FAR2: variants seen among roughly 807,000 people sequenced by gnomAD.
The protein encoded by FAR2 is epididymis secretory protein Li 81.
Under a neutral mutation model 56.0 loss-of-function variants are expected in FAR2, and 19 were observed. The observed-to-expected ratio is 0.34, with a 90% CI of 0.24 to 0.50. The LOEUF is 0.50. FAR2 is among the 20% of genes least tolerant of loss of function. The probability of loss-of-function intolerance (pLI) is 0.98; values close to 1 mark genes in which losing one functional copy is unlikely to be tolerated. For missense variants in FAR2, 508 were observed against 642.2 expected (o/e 0.79, Z 2.26); for synonymous variants, 219 against 218.8 (o/e 1.00, Z -0.01).
chr12:29,199,613 AAAG>A lies in FAR2; in HGVS notation c.-39+50209_-39+50211del, dbSNP rs1214800746. On this transcript the variant is annotated intron_variant, in intron 1 of 11. Transcript: ENST00000536681. Reference sequence around the variant, plus strand: ...AGACCCCGTCTCAAAAAAAAAAAAAAAAGAAAGAAAAGAAACAAACAAACAAAA... The same window carrying A: ...AGACCCCGTCTCAAAAAAAAAAAAAAAAAGAAAAGAAACAAACAAACAAAA... Among the ~76,000 whole-genome samples, 104 of 25,266 alleles carry A rather than the reference AAAG, an allele frequency of 4.1e-3. No homozygotes were observed. The South Asian group carries it at 0.076, about 18-fold the overall frequency. 16.6% of individuals were successfully genotyped at this position (25,266 alleles called of 152,430 possible).
At chr12:29,293,543 G>A (rs1949008145) in intron 3 of FAR2, 68 bp downstream of exon 3, 3 of 1,161,010 alleles carry the variant, frequency 2.6e-6, no homozygotes, top group East Asian at 3.1e-5. Flanking sequence ...CATAGTTTCT[G>A]TAAAAAAAAA....
chr12:29,318,985 CTTTTTCT>C (rs936734712), intron 9 of FAR2, among the ~76,000 whole-genome samples: 3 of 148,990 alleles, frequency 2.0e-5, no homozygotes, highest in South Asian at 2.2e-4. Flanking sequence ...TTTTTTTTTT[CTTTTTCT>C]TTTTTCTTTT....
rs977792305 is a variant in FAR2 at position 29,167,226 on chromosome 12, G to A, written c.-39+17819G>A. Among the ~76,000 whole-genome samples, 4 of 152,098 alleles carry A rather than the reference G, an allele frequency of 2.6e-5. No individual in the cohort carries two copies. In the South Asian group the frequency reaches 8.3e-4, roughly 32 times the overall value. On this transcript the variant is annotated intron_variant, in intron 1 of 11. Transcript: ENST00000536681. ...TGGTGTGTTTTCTATTCTATCTGAA[G>A]GAGTTGTTATAAATATTTACCCCTT...
chr12:29,152,467 A>G (rs1949688849), intron 1 of FAR2, among the ~76,000 whole-genome samples: 1 of 152,218 alleles, frequency 6.6e-6, no homozygotes, highest in South Asian at 2.1e-4. Flanking sequence ...CTCAAAACTT[A>G]TCTTTATTCC....
chr12:29,332,252 C>T (rs542328119), intron 10 of FAR2, among the ~76,000 whole-genome samples: 55 of 152,152 alleles, frequency 3.6e-4, no homozygotes, highest in Non-Finnish European at 6.5e-4. Flanking sequence ...TGGTCACTAA[C>T]ATATTATTCT....
chr12:29,262,522 C>T (rs191854355), intron 1 of FAR2, among the ~76,000 whole-genome samples: 1 of 152,190 alleles, frequency 6.6e-6, no homozygotes, highest in Admixed American at 6.5e-5. Context: ...CCCAGCTACT[C>T]AGGAGGCTGA....
chr12:29,282,748 T>G (rs1325490772), intron 2 of FAR2, among the ~76,000 whole-genome samples: 1 of 152,202 alleles, frequency 6.6e-6, no homozygotes, highest in African/African-American at 2.4e-5. Flanking sequence ...TTTTATGGTA[T>G]GCATAGATAT....
At chr12:29,168,008 G>T (rs148009695) in intron 1 of FAR2, among the ~76,000 whole-genome samples, 3 of 152,092 alleles carry the variant, frequency 2.0e-5, no homozygotes, top group South Asian at 2.1e-4. Context: ...AAACAGTGTC[G>T]TCAAAATAAA....
chr12:29,307,511 A>T, intron 4 of FAR2, 147 bp from the exon 5 acceptor site: 1 of 734,888 alleles, frequency 1.4e-6, no homozygotes, highest in Non-Finnish European at 2.2e-6. Flanking sequence ...TTGAGCAGGT[A>T]CACACTCAAA....
At chr12:29,198,316 C>T (rs938285957) in intron 1 of FAR2, among the ~76,000 whole-genome samples, 1 of 152,132 alleles carries the variant, frequency 6.6e-6, no homozygotes, top group African/African-American at 2.4e-5. Context: ...GCAAGCCCCA[C>T]CTCCCAGGTT....
chr12:29,162,433 C>T (rs1949789228), intron 1 of FAR2, among the ~76,000 whole-genome samples: 1 of 152,192 alleles, frequency 6.6e-6, no homozygotes, highest in Non-Finnish European at 1.5e-5. Context: ...ACTATAATGA[C>T]TTCTGCAGCC....
intron 1 of FAR2, among the ~76,000 whole-genome samples, chr12:29,252,221 G>T (rs1948225220): frequency 6.6e-6 from 1 of 152,268 alleles, no homozygotes; most frequent in African/African-American, 2.4e-5. Flanking sequence ...ATCCTTTAGG[G>T]TGTTTCTTGG....
chr12:29,282,321 T>A (rs888335152), intron 2 of FAR2: 6 of 152,222 alleles, frequency 3.9e-5, no homozygotes, highest in African/African-American at 1.2e-4. Context: ...TATGCAATGA[T>A]CCTGTCTGGG....
At chr12:29,190,605 T>C (rs1950095467) in intron 1 of FAR2, among the ~76,000 whole-genome samples, 2 of 151,986 alleles carry the variant, frequency 1.3e-5, no homozygotes, top group South Asian at 2.1e-4. Context: ...GCTGGGAGTA[T>C]AGGCGCACAC....
At chr12:29,277,751 C>T (rs1289195637) in intron 2 of FAR2, 1 of 152,130 alleles carries the variant, frequency 6.6e-6, no homozygotes, top group Admixed American at 6.5e-5. Context: ...TGCCTAGGCT[C>T]TGCCTACTTT....
chr12:29,180,508 C>G (rs1949981751), intron 1 of FAR2, among the ~76,000 whole-genome samples: 1 of 152,134 alleles, frequency 6.6e-6, no homozygotes, highest in Non-Finnish European at 1.5e-5. Flanking sequence ...TGTCCATTCA[C>G]TTGTGGCTCA....
intron 1 of FAR2, among the ~76,000 whole-genome samples, chr12:29,178,231 C>G (rs151007036): frequency 6.6e-5 from 10 of 151,804 alleles, no homozygotes; most frequent in African/African-American, 2.4e-4. Flanking sequence ...AGTACCACCA[C>G]TATTTTATGT....
At chr12:29,174,772 G>T (rs550123890) in intron 1 of FAR2, among the ~76,000 whole-genome samples, 1 of 152,172 alleles carries the variant, frequency 6.6e-6, no homozygotes, top group Non-Finnish European at 1.5e-5. Flanking sequence ...GCGAGAAGAA[G>T]TTTGTCTGAC....
At chr12:29,268,686 A>G (rs1263040971) in intron 1 of FAR2, among the ~76,000 whole-genome samples, 1 of 152,172 alleles carries the variant, frequency 6.6e-6, no homozygotes, top group Admixed American at 6.5e-5. Context: ...GAAGAGATTA[A>G]CAAAACTATA....
Sources: gnomAD v4.1 joint callset for allele counts (sites outside exome capture counted in the v4.1 genomes callset) on GRCh38, gnomAD v4.1.1 for gene constraint, MANE v1.5 for transcripts, NCBI Gene and HGNC (gene_info 2026-07-23, HGNC 2026-07-21) for gene names.